Variants in SCHIP1 observed in about 807,000 individuals in gnomAD.
The protein encoded by SCHIP1 is schwannomin interacting protein 1.
Under a neutral mutation model 29.7 loss-of-function variants are expected in SCHIP1, and 8 were observed. The observed-to-expected ratio is 0.27, with a 90% CI of 0.16 to 0.49. SCHIP1 has a LOEUF of 0.49. Among genes scored for constraint, SCHIP1 ranks in the 20% least tolerant of loss-of-function variants. The pLI is 0.99. For missense variants in SCHIP1, 193 were observed against 294.6 expected, an observed-to-expected ratio of 0.66 and a Z score of 2.52; for synonymous variants, 76 against 94.9, an observed-to-expected ratio of 0.80 and a Z score of 1.16.
chr3:159,496,774 T>C, the SCHIP1 span, among the ~76,000 whole-genome samples: 1 of 152,164 alleles, frequency 6.6e-6, no homozygotes, highest in Non-Finnish European at 1.5e-5. Flanking sequence ...CAAAGGACTA[T>C]AAATCATGCT....
exon 7 of SCHIP1, chr3:159,896,904 C>A: frequency 1.1e-6 from 1 of 909,656 alleles, no homozygotes; most frequent in Non-Finnish European, 1.5e-6. Context: ...AGCTTAATGT[C>A]CAGTGATTGG....
At chr3:159,750,775 T>A in the SCHIP1 span, among the ~76,000 whole-genome samples, 1 of 152,104 alleles carries the variant, frequency 6.6e-6, no homozygotes, top group Non-Finnish European at 1.5e-5. Flanking sequence ...GAGACAAGGA[T>A]GGCTCCCAAA....
rs577278542 is a variant in SCHIP1 at position 159,884,861 on chromosome 3, G to A, written c.150-1346G>A. On this transcript the variant is annotated intron_variant, in intron 2 of 6. Coordinates refer to ENST00000445224, the Ensembl canonical transcript of SCHIP1. ...TGTTGCTTTCTAACCCCTAGTTCTGGGCCTGGCTCCCCCTTGCCTGTGCCA... is the reference window on the plus strand; with the variant it reads ...TGTTGCTTTCTAACCCCTAGTTCTGAGCCTGGCTCCCCCTTGCCTGTGCCA... Among the ~76,000 whole-genome samples the A allele has an allele frequency of 8.5e-5, 13 of 152,200 alleles. No individual in the cohort carries two copies. In the South Asian group the frequency reaches 2.5e-3, roughly 29 times the overall value.
the SCHIP1 span, among the ~76,000 whole-genome samples, chr3:159,696,019 T>C: frequency 6.6e-6 from 1 of 152,214 alleles, no homozygotes; most frequent in East Asian, 1.9e-4. Flanking sequence ...TCAACACCCA[T>C]CACCAAACAT....
chr3:159,507,998 G>C, the SCHIP1 span, among the ~76,000 whole-genome samples: 1 of 152,196 alleles, frequency 6.6e-6, no homozygotes, highest in African/African-American at 2.4e-5. Context: ...AGTTAGGGAG[G>C]ACTCCCTCTT....
At chr3:159,886,447 A>G in intron 3 of SCHIP1, 123 bp downstream of exon 4, 1 of 810,528 alleles carries the variant, frequency 1.2e-6, no homozygotes, top group Non-Finnish European at 1.9e-6. Context: ...AGTTTCTTGG[A>G]ATTGCATGCT....
chr3:159,623,349 T>C, the SCHIP1 span, among the ~76,000 whole-genome samples: 2 of 152,122 alleles, frequency 1.3e-5, no homozygotes, highest in Non-Finnish European at 2.9e-5. Context: ...ATAATGTTGT[T>C]TGAATAACAA....
the SCHIP1 span, among the ~76,000 whole-genome samples, chr3:159,485,017 G>T: frequency 6.6e-6 from 1 of 152,114 alleles, no homozygotes; most frequent in African/African-American, 2.4e-5. Flanking sequence ...TCATATATTT[G>T]ACCTTGAGGA....
At chr3:159,365,757 T>C in the SCHIP1 span, among the ~76,000 whole-genome samples, 6 of 152,178 alleles carry the variant, frequency 3.9e-5, no homozygotes, top group Non-Finnish European at 8.8e-5. Flanking sequence ...CCCTCACCTC[T>C]AGTGACCTCA....
chr3:159,773,439 C>G, the SCHIP1 span, among the ~76,000 whole-genome samples: 2 of 152,188 alleles, frequency 1.3e-5, no homozygotes, highest in Non-Finnish European at 2.9e-5. Context: ...CTGACCCAGC[C>G]TCAAGTCACC....
At chr3:159,412,881 G>A in the SCHIP1 span, among the ~76,000 whole-genome samples, 3 of 152,120 alleles carry the variant, frequency 2.0e-5, no homozygotes, top group Non-Finnish European at 4.4e-5. Context: ...AGAGATGGGT[G>A]GTAGAGACAT....
At chr3:159,509,711 TCTC>T in the SCHIP1 span, among the ~76,000 whole-genome samples, 2 of 152,200 alleles carry the variant, frequency 1.3e-5, no homozygotes, top group Non-Finnish European at 2.9e-5. Flanking sequence ...GTATTTTATT[TCTC>T]CTTCACTTGT....
chr3:159,784,427 CCTTCCCTATGGAA>C, the SCHIP1 span, among the ~76,000 whole-genome samples: 11 of 152,208 alleles, frequency 7.2e-5, no homozygotes, highest in African/African-American at 2.7e-4. Context: ...AATGCATGAG[CCTTCCCTATGGAA>C]CATTGTAGAT....
At chr3:159,408,804 T>C in the SCHIP1 span, among the ~76,000 whole-genome samples, 1 of 152,200 alleles carries the variant, frequency 6.6e-6, no homozygotes, top group South Asian at 2.1e-4. Flanking sequence ...AGTATTATCC[T>C]GATACCAAAA....
At chr3:159,399,920 A>C in the SCHIP1 span, among the ~76,000 whole-genome samples, 42 of 152,162 alleles carry the variant, frequency 2.8e-4, no homozygotes, top group Admixed American at 9.8e-4. Context: ...TCCAGTGATC[A>C]TCCTGCCTTG....
At chr3:159,824,341 C>T in the SCHIP1 span, among the ~76,000 whole-genome samples, 1 of 152,216 alleles carries the variant, frequency 6.6e-6, no homozygotes, top group East Asian at 1.9e-4. Context: ...TGTGTATGTC[C>T]AAGAGGTGTA....
chr3:159,405,246 C>G, the SCHIP1 span, among the ~76,000 whole-genome samples: 27 of 152,248 alleles, frequency 1.8e-4, no homozygotes, highest in African/African-American at 6.5e-4. Context: ...TGATGAATAT[C>G]TACAAGCATC....
At chr3:159,336,332 GA>G in the SCHIP1 span, among the ~76,000 whole-genome samples, 1 of 152,162 alleles carries the variant, frequency 6.6e-6, no homozygotes, top group South Asian at 2.1e-4. Flanking sequence ...TTGCTGTGCA[GA>G]AGCTCTTTAT....
At chr3:159,879,617 C>T (rs778057046) in intron 2 of SCHIP1, among the ~76,000 whole-genome samples, 1 of 152,146 alleles carries the variant, frequency 6.6e-6, no homozygotes, top group South Asian at 2.1e-4. Flanking sequence ...TTTTATTCCT[C>T]GTATCAGAAG....
Sources: allele counts gnomAD v4.1 joint callset (sites outside exome capture counted in the v4.1 genomes callset), GRCh38; gene constraint gnomAD v4.1.1; transcripts MANE v1.5; gene names NCBI Gene and HGNC (gene_info 2026-07-23, HGNC 2026-07-21).